The following GRIK2 variants were observed in gnomAD, a reference collection of about 807,000 sequenced individuals.
GRIK2 encodes the protein glutamate ionotropic receptor kainate type subunit 2, also known as glutamate receptor ionotropic, kainate 2.
GRIK2 carries 32 observed loss-of-function variants against 100.3 expected under a neutral mutation model. The ratio of observed to expected loss-of-function variants is 0.32; its 90% CI spans 0.24 to 0.43. The LOEUF (loss-of-function observed/expected upper bound fraction) is 0.43, where lower values mean the gene tolerates loss of function less well. Among genes scored for constraint, GRIK2 ranks in the 20% least tolerant of loss-of-function variants. The pLI is 1.00. For synonymous variants in GRIK2, 417 were observed against 389.4 expected, an observed-to-expected ratio of 1.07 and a Z score of -0.83; for missense variants, 843 against 1,114.9, an observed-to-expected ratio of 0.76 and a Z score of 3.47.
chr6:102,061,719 A>G (rs1771763747), intron 16 of GRIK2, among the ~76,000 whole-genome samples: 1 of 150,590 alleles, frequency 6.6e-6, no homozygotes, highest in Non-Finnish European at 1.5e-5. Context: ...ATGAATCCAT[A>G]AAAACGGTGT....
intron 15 of GRIK2, among the ~76,000 whole-genome samples, chr6:102,054,708 C>T (rs945235985): frequency 2.6e-5 from 4 of 152,128 alleles, no homozygotes; most frequent in East Asian, 1.9e-4. Context: ...CAAATGTTTA[C>T]AATACGTGGC....
At chr6:101,693,264 T>G (rs1772236522) in intron 7 of GRIK2, among the ~76,000 whole-genome samples, 2 of 152,112 alleles carry the variant, frequency 1.3e-5, no homozygotes, top group South Asian at 4.1e-4. Context: ...AACTTTTCAC[T>G]TGGGAAAAGT....
At chr6:101,663,953 AG>A (rs1769824194) in intron 4 of GRIK2, among the ~76,000 whole-genome samples, 1 of 152,192 alleles carries the variant, frequency 6.6e-6, no homozygotes, top group Non-Finnish European at 1.5e-5. Context: ...AGAACTTTTG[AG>A]GAAAATATCT....
At chr6:101,734,543 A>T (rs1262743674) in intron 7 of GRIK2, among the ~76,000 whole-genome samples, 3 of 152,140 alleles carry the variant, frequency 2.0e-5, no homozygotes. Context: ...ATACCCACAG[A>T]CACACCAAGA....
intron 7 of GRIK2, among the ~76,000 whole-genome samples, chr6:101,706,666 G>C (rs1308963974): frequency 1.3e-5 from 2 of 151,864 alleles, no homozygotes; most frequent in African/African-American, 2.4e-5. Flanking sequence ...AGACAGGATT[G>C]GATAGAAAAA....
At chr6:101,760,891 T>G (rs1010113489) in intron 7 of GRIK2, among the ~76,000 whole-genome samples, 3 of 150,920 alleles carry the variant, frequency 2.0e-5, no homozygotes, top group Non-Finnish European at 4.4e-5. Flanking sequence ...TCTCTTGACT[T>G]TGACAGCTAT....
At chr6:101,817,518 C>CT (rs1419817273) in intron 9 of GRIK2, among the ~76,000 whole-genome samples, 2 of 152,204 alleles carry the variant, frequency 1.3e-5, no homozygotes, top group East Asian at 3.9e-4. Flanking sequence ...TCTTCTTTTG[C>CT]CTCTGCTCTT....
intron 16 of GRIK2, among the ~76,000 whole-genome samples, chr6:102,066,435 GATA>G (rs1262865811): frequency 6.6e-6 from 1 of 151,644 alleles, no homozygotes; most frequent in African/African-American, 2.4e-5. Flanking sequence ...AGAAAAACAG[GATA>G]ATGAGTGGAA....
chr6:101,954,827 A>G (rs1326011364), intron 14 of GRIK2, among the ~76,000 whole-genome samples: 2 of 152,092 alleles, frequency 1.3e-5, no homozygotes, highest in African/African-American at 4.8e-5. Context: ...CCATTATTAC[A>G]TTAGGTGTGG....
chr6:101,698,658 C>T (rs1416877947), intron 7 of GRIK2, among the ~76,000 whole-genome samples: 2 of 151,968 alleles, frequency 1.3e-5, no homozygotes, highest in Non-Finnish European at 2.9e-5. Flanking sequence ...TGAACATCTA[C>T]TCTATGCAAT....
chr6:101,420,926 C>T (rs1276749923), intron 2 of GRIK2, among the ~76,000 whole-genome samples: 1 of 152,122 alleles, frequency 6.6e-6, no homozygotes, highest in African/African-American at 2.4e-5. Flanking sequence ...GGATACCAAC[C>T]AAGGGAGACA....
At chr6:101,404,542 A>T (rs1275958536) in intron 2 of GRIK2, among the ~76,000 whole-genome samples, 1 of 152,194 alleles carries the variant, frequency 6.6e-6, no homozygotes, top group Admixed American at 6.5e-5. Context: ...TTGCCTGGAA[A>T]TTGTCAGTGC....
chr6:101,574,879 A>G (rs1410078359), intron 2 of GRIK2, among the ~76,000 whole-genome samples: 1 of 151,832 alleles, frequency 6.6e-6, no homozygotes, highest in Admixed American at 6.6e-5. Flanking sequence ...TTAGAATAAT[A>G]TATTTAATAC....
chr6:101,645,122 CATA>C (rs1331609544), intron 4 of GRIK2, among the ~76,000 whole-genome samples: 3 of 144,888 alleles, frequency 2.1e-5, no homozygotes, highest in Non-Finnish European at 4.6e-5. Flanking sequence ...ACAAGTAAGA[CATA>C]ATAATGGCTG....
Position 101,860,967 on chromosome 6 carries a change from C to T in GRIK2, c.1524+1474C>T, listed in dbSNP as rs11963954. The T allele has an allele frequency of 4.0e-3, 3,483 of 860,212 alleles. 96 individuals are homozygous for T. In the African/African-American group the frequency reaches 0.057, roughly 14 times the overall value. The allele number at this position is 860,212 out of a possible 1,614,324, so 53.3% of individuals were successfully genotyped here. On this transcript the variant is annotated intron_variant, in intron 11 of 16. Coordinates refer to ENST00000369134, the MANE Select transcript of GRIK2 (RefSeq NM_021956.5). ...AAGACCTTTTCCCTGAAAACATCAT[C>T]CTCTCTTCTCCACTTTCCCATACTC... is the stretch of plus-strand genomic sequence containing the variant.
chr6:101,590,158 C>T (rs1257321429), intron 2 of GRIK2, among the ~76,000 whole-genome samples: 1 of 152,010 alleles, frequency 6.6e-6, no homozygotes, highest in African/African-American at 2.4e-5. Flanking sequence ...TTTATAATAT[C>T]ATTTACCAAA....
Position 101,744,539 on chromosome 6 carries a change from T to TATATATACAC in GRIK2, c.952-55102_952-55101insCACATATATA, listed in dbSNP as rs1203608202. ...GCGTGCGCGCATATATATATATATA[T>TATATATACAC]ATATATATATATATATATATCACAA... On this transcript the variant is annotated intron_variant, in intron 7 of 16. Coordinates refer to ENST00000369134, the MANE Select transcript of GRIK2 (RefSeq NM_021956.5). The TATATATACAC allele has an allele frequency of 8.1e-4, 100 of 123,054 alleles. 2 individuals carry two copies. The highest frequency in any genetic ancestry group is 3.3e-3 in the African/African-American group (97 of 29,462). The allele number at this position is 123,054 out of a possible 1,614,324, so 7.6% of individuals were successfully genotyped here. A position where few individuals can be genotyped will look rare whatever the true frequency, so the allele number is the denominator to read the frequency against.
intron 14 of GRIK2, among the ~76,000 whole-genome samples, chr6:101,999,033 C>T (rs1328439573): frequency 6.6e-6 from 1 of 151,798 alleles, no homozygotes; most frequent in Non-Finnish European, 1.5e-5. Context: ...AGGCTGGTCT[C>T]AAACTCCTGA....
At chr6:101,867,503 G>T (rs908078100) in intron 11 of GRIK2, among the ~76,000 whole-genome samples, 24 of 151,724 alleles carry the variant, frequency 1.6e-4, no homozygotes, top group Non-Finnish European at 2.8e-4. Context: ...TCACAGATCA[G>T]TGTAATTCTG....
Sources: gnomAD v4.1 joint callset for allele counts (sites outside exome capture counted in the v4.1 genomes callset) on GRCh38, gnomAD v4.1.1 for gene constraint, MANE v1.5 for transcripts, NCBI Gene and HGNC (gene_info 2026-07-23, HGNC 2026-07-21) for gene names.